ATRNL1: variants seen among roughly 807,000 people sequenced by gnomAD.
ATRNL1 encodes attractin like 1.
A neutral mutation model predicts 182.7 loss-of-function variants in ATRNL1; 95 were observed. The ratio of observed to expected loss-of-function variants is 0.52; its 90% CI spans 0.44 to 0.62. The LOEUF (loss-of-function observed/expected upper bound fraction) is 0.62, where lower values mean the gene tolerates loss of function less well. Ranked by LOEUF, ATRNL1 falls within the 20% of genes least tolerant of loss-of-function variation. The probability of loss-of-function intolerance (pLI) is 0.00; values close to 1 mark genes in which losing one functional copy is unlikely to be tolerated. For synonymous variants in ATRNL1, 576 were observed against 568.3 expected (o/e 1.01, Z -0.19); for missense variants, 1,471 against 1,679.5 (o/e 0.88, Z 2.17).
intron 6 of ATRNL1, among the ~76,000 whole-genome samples, chr10:115,163,899 A>T (rs1846917289): frequency 6.6e-6 from 1 of 152,200 alleles, no homozygotes; most frequent in South Asian, 2.1e-4. Flanking sequence ...TGTATCATAC[A>T]CATTTATCTT....
At chr10:115,377,767 A>G (rs1554949952) in intron 19 of ATRNL1, among the ~76,000 whole-genome samples, 1 of 152,124 alleles carries the variant, frequency 6.6e-6, no homozygotes, top group East Asian at 1.9e-4. Context: ...TTATGGTTGA[A>G]TGGAATTGGA....
At chr10:115,419,548 A>G (rs1554961570) in intron 20 of ATRNL1, among the ~76,000 whole-genome samples, 2 of 152,194 alleles carry the variant, frequency 1.3e-5, no homozygotes, top group African/African-American at 4.8e-5. Flanking sequence ...GTATAAAACA[A>G]CATGCATAGA....
In ATRNL1 at chr10:115,944,750, C is replaced by T. The variant is rs781912076; in HGVS notation, c.4111C>T (p.Leu1371Phe). 1.2e-6 allele frequency: 2 copies of T among 1,613,592 alleles called. No homozygotes were observed. The highest frequency in any genetic ancestry group is 1.7e-6 in the Non-Finnish European group (2 of 1,179,654). The change falls in exon 29 of 29, where the codon CTT becomes TTT. Residue 1371 changes from leucine (L) to phenylalanine (F), a missense_variant. Physicochemically the swap from Leu to Phe is conservative, Grantham distance 22 (BLOSUM62 0). Around this residue, in one of 3 missense-constraint regions of ATRNL1, gnomAD observed 437 missense variants for 506.0 expected, o/e 0.86. Coordinates refer to ENST00000355044, the MANE Select transcript of ATRNL1 (RefSeq NM_207303.4). The stretch of plus-strand genomic sequence containing the variant: ...TTCTGGAGTCCGGAATCGAAAACAC[C>T]TTTCAACACGTCAAGGAACTTGTGT... The part of the protein sequence containing the change: ...KTSGVRNRKH[L>F]STRQGTCV
At chr10:115,540,979 G>T (rs1025318436) in intron 25 of ATRNL1, among the ~76,000 whole-genome samples, 1 of 152,126 alleles carries the variant, frequency 6.6e-6, no homozygotes, top group Non-Finnish European at 1.5e-5. Flanking sequence ...GAAATATCTA[G>T]AAGGTAATGT....
chr10:115,848,186 GT>G (rs782159133), intron 28 of ATRNL1, among the ~76,000 whole-genome samples, 195 bp downstream of exon 28: 4 of 152,076 alleles, frequency 2.6e-5, no homozygotes, highest in Non-Finnish European at 5.9e-5. Flanking sequence ...ATTTCCCAGT[GT>G]TTCTCCGAAA....
At chr10:115,821,126 C>T (rs1008315967) in intron 27 of ATRNL1, among the ~76,000 whole-genome samples, 1 of 152,116 alleles carries the variant, frequency 6.6e-6, no homozygotes, top group African/African-American at 2.4e-5. Context: ...AACTATGAGT[C>T]AATTAAACCT....
chr10:115,352,406 TG>T (rs1856302019), intron 19 of ATRNL1, among the ~76,000 whole-genome samples: 1 of 152,166 alleles, frequency 6.6e-6, no homozygotes, highest in Admixed American at 6.5e-5. Context: ...TGTTCTTATT[TG>T]AAATCTTTTT....
intron 6 of ATRNL1, among the ~76,000 whole-genome samples, chr10:115,161,876 A>T (rs1554883384): frequency 1.3e-5 from 2 of 152,094 alleles, no homozygotes; most frequent in South Asian, 4.1e-4. Flanking sequence ...TCATAACTTG[A>T]TTTAATCATC....
At chr10:115,871,324 AG>A (rs1279244042) in intron 28 of ATRNL1, among the ~76,000 whole-genome samples, 1 of 151,354 alleles carries the variant, frequency 6.6e-6, no homozygotes, top group Non-Finnish European at 1.5e-5. Flanking sequence ...TGACAACAAA[AG>A]GCATATTTCC....
intron 8 of ATRNL1, among the ~76,000 whole-genome samples, chr10:115,184,696 A>C (rs782037676): frequency 6.6e-5 from 10 of 151,898 alleles, no homozygotes; most frequent in Non-Finnish European, 1.0e-4. Context: ...TTAGAATCAT[A>C]TTAATCATTT....
chr10:115,561,706 T>TGTGTGTGG (rs1853753793), intron 26 of ATRNL1, among the ~76,000 whole-genome samples: 1 of 112,794 alleles, frequency 8.9e-6, no homozygotes, highest in African/African-American at 2.8e-5. Flanking sequence ...TGTGTGTGGG[T>TGTGTGTGG]GTGTGTGTGT....
intron 19 of ATRNL1, among the ~76,000 whole-genome samples, chr10:115,364,731 G>C (rs1440177790): frequency 2.6e-4 from 40 of 151,936 alleles, no homozygotes; most frequent in African/African-American, 8.2e-4. Flanking sequence ...TATCATGAAG[G>C]GTTGTTGAAT....
At chr10:115,711,459 T>G (rs1555054525) in intron 26 of ATRNL1, among the ~76,000 whole-genome samples, 1 of 152,190 alleles carries the variant, frequency 6.6e-6, no homozygotes, top group African/African-American at 2.4e-5. Flanking sequence ...AGAGTATCTA[T>G]GGAAAATTCC....
At chr10:115,330,865 T>C (rs1295046715) in intron 18 of ATRNL1, among the ~76,000 whole-genome samples, 1 of 151,988 alleles carries the variant, frequency 6.6e-6, no homozygotes, top group Non-Finnish European at 1.5e-5. Context: ...TAAATAAGCT[T>C]TCTTCCCCAT....
rs186822529 is a variant in ATRNL1, at chr10:115,660,109, T to G, written c.3796-67139T>G. 2.0e-5 allele frequency among the ~76,000 whole-genome samples: 3 copies of G among 152,202 alleles called. No individual in the cohort carries two copies. In the East Asian group the frequency reaches 5.8e-4, roughly 29 times the overall value. On this transcript the variant is annotated intron_variant, in intron 26 of 28. Coordinates refer to ENST00000355044, the MANE Select transcript of ATRNL1 (RefSeq NM_207303.4). Reference sequence around the variant, plus strand: ...TAAGAATGGAGGGAGGGAGACTGTATGTATGGTCATGATAGGGGGACGAAC... The same window carrying G: ...TAAGAATGGAGGGAGGGAGACTGTAGGTATGGTCATGATAGGGGGACGAAC...
intron 1 of ATRNL1, among the ~76,000 whole-genome samples, chr10:115,109,341 T>C (rs886369327): frequency 6.6e-6 from 1 of 152,214 alleles, no homozygotes; most frequent in Admixed American, 6.5e-5. Context: ...TAAAAATTTA[T>C]TGGCTTATGA....
At chr10:115,763,928 G>A (rs2960707) in intron 27 of ATRNL1, among the ~76,000 whole-genome samples, 144,664 of 152,220 alleles carry the variant, frequency 0.95, 69,153 homozygotes, top group East Asian at 1. Flanking sequence ...AAGATGATAC[G>A]GTGAAAATGA....
At chr10:115,218,720 A>G (rs539922014) in intron 9 of ATRNL1, among the ~76,000 whole-genome samples, 8 of 152,344 alleles carry the variant, frequency 5.3e-5, no homozygotes, top group African/African-American at 1.9e-4. Context: ...TTACCTGCCA[A>G]CTTGAATGCA....
rs192318333 is a variant in ATRNL1 at position 115,889,477 on chromosome 10, C to T, written c.4018+41486C>T. On this transcript the variant is annotated intron_variant, in intron 28 of 28. Transcript: ENST00000355044. ...CTGAGTAGCTAGGATAACAGGCATG[C>T]GCCACCACGCACCACCCGCAGTCAG... is the stretch of plus-strand genomic sequence containing the variant. Among the ~76,000 whole-genome samples, 405 of 152,278 alleles carry T rather than the reference C, an allele frequency of 2.7e-3. 1 individual carries two copies. The highest frequency in any genetic ancestry group is 4.5e-3 in the Non-Finnish European group (309 of 68,014).
Sources: allele counts gnomAD v4.1 joint callset (sites outside exome capture counted in the v4.1 genomes callset), GRCh38; gene constraint gnomAD v4.1.1; regional missense constraint gnomAD v4.1.1; transcripts MANE v1.5; gene names NCBI Gene and HGNC (gene_info 2026-07-23, HGNC 2026-07-21).